Variants in MALRD1 observed in about 807,000 individuals in gnomAD.
The protein encoded by MALRD1 is MAM and LDL receptor class A domain containing 1, also known as MAM and LDL-receptor class A domain-containing protein 1.
In MALRD1, 247 loss-of-function variants were observed where a neutral mutation model predicts 242.1. That is an observed-to-expected ratio of 1.02 (90% confidence interval 0.92 to 1.13). The LOEUF is 1.13. Among genes scored for constraint, MALRD1 ranks in the 50% most tolerant of loss-of-function variants. MALRD1 has a pLI of 0.00. For missense variants in MALRD1, 2,989 were observed against 2,533.1 expected, an observed-to-expected ratio of 1.18 and a Z score of -3.86; for synonymous variants, 995 against 866.6, an observed-to-expected ratio of 1.15 and a Z score of -2.60.
At chr10:19,133,168 A>G (rs1302527127) in intron 8 of MALRD1, among the ~76,000 whole-genome samples, 1 of 152,154 alleles carries the variant, frequency 6.6e-6, no homozygotes. Context: ...CTTACATTCA[A>G]TACATGTTTT....
intron 36 of MALRD1, among the ~76,000 whole-genome samples, chr10:19,649,808 TGTC>T (rs1840791060): frequency 6.6e-6 from 1 of 152,190 alleles, no homozygotes; most frequent in Non-Finnish European, 1.5e-5. Context: ...CCCATTCCTA[TGTC>T]CAGGATGGTA....
At chr10:19,288,908 A>G (rs1240009526) in intron 21 of MALRD1, among the ~76,000 whole-genome samples, 1 of 152,100 alleles carries the variant, frequency 6.6e-6, no homozygotes, top group Non-Finnish European at 1.5e-5. Context: ...GCCTTATACT[A>G]AAGAGATTCA....
At chr10:19,680,434 G>GTT (rs1481886768) in intron 36 of MALRD1, among the ~76,000 whole-genome samples, 1 of 152,090 alleles carries the variant, frequency 6.6e-6, no homozygotes, top group African/African-American at 2.4e-5. Flanking sequence ...TTTAAAGTGT[G>GTT]TTTTGCCAGA....
chr10:19,720,743 A>C (rs1373908477), intron 38 of MALRD1, among the ~76,000 whole-genome samples: 1 of 152,218 alleles, frequency 6.6e-6, no homozygotes, highest in Non-Finnish European at 1.5e-5. Flanking sequence ...TCTTTATTAC[A>C]AAAAGGACAA....
intron 11 of MALRD1, among the ~76,000 whole-genome samples, chr10:19,153,586 G>A (rs1834020094): frequency 6.6e-6 from 1 of 151,938 alleles, no homozygotes; most frequent in African/African-American, 2.4e-5. Context: ...CCCAGTGGGA[G>A]GCTGAAGTTG....
At chr10:19,385,198 T>C (rs1846024920) in intron 26 of MALRD1, among the ~76,000 whole-genome samples, 2 of 152,204 alleles carry the variant, frequency 1.3e-5, no homozygotes, top group South Asian at 4.1e-4. Flanking sequence ...TCCATATTTA[T>C]TAGGGATATT....
intron 27 of MALRD1, chr10:19,389,237 C>T: frequency 1.5e-6 from 1 of 661,886 alleles, no homozygotes; most frequent in Non-Finnish European, 2.8e-6. Flanking sequence ...AATCTGCATA[C>T]TGTGAAGCAC....
rs532338267 is a variant in MALRD1, at chr10:19,209,292, A to G, written c.2603A>G (p.Glu868Gly). The G allele has an allele frequency of 2.6e-6, 4 of 1,542,410 alleles. No individual in the cohort carries two copies. In the Admixed American group the frequency reaches 8.1e-5, roughly 31 times the overall value. The change falls in exon 18 of 40, where the codon GAA becomes GGA. Residue 868 changes from glutamate (E) to glycine (G), a missense_variant. Coordinates refer to ENST00000454679, the MANE Select transcript of MALRD1 (RefSeq NM_001142308.3). ...GCACCTGAGCTGCAGTGTAACTTTG[A>G]AACTGGAATCTGTAACTGGGAACAA... ...NCAPELQCNF[E>G]TGICNWEQDA...
chr10:19,673,386 C>G lies in MALRD1; in HGVS notation c.6138-18896C>G, dbSNP rs138979929. Among the ~76,000 whole-genome samples the G allele has an allele frequency of 2.6e-3, 397 of 152,056 alleles. 7 individuals carry two copies. In the East Asian group the frequency reaches 0.059, roughly 23 times the overall value. On this transcript the variant is annotated intron_variant, in intron 36 of 39. Coordinates refer to ENST00000454679, the MANE Select transcript of MALRD1 (RefSeq NM_001142308.3). The stretch of plus-strand genomic sequence containing the variant: ...TGGGTGACAGAGTGGGACTCCGTCT[C>G]AAAATAAATAAATAAATAAAATTTT...
intron 5 of MALRD1, among the ~76,000 whole-genome samples, chr10:19,107,088 A>C (rs1007353724): frequency 6.6e-6 from 1 of 151,990 alleles, no homozygotes; most frequent in Non-Finnish European, 1.5e-5. Context: ...GCTGATGGGA[A>C]AATGTGTATT....
intron 32 of MALRD1, among the ~76,000 whole-genome samples, chr10:19,534,854 A>G (rs191230400): frequency 1.3e-3 from 187 of 142,062 alleles, no homozygotes; most frequent in African/African-American, 4.6e-3. Flanking sequence ...TATATATGCT[A>G]TTTTATTTAT....
At chr10:19,663,040 A>G (rs2131737723) in intron 36 of MALRD1, among the ~76,000 whole-genome samples, 1 of 152,168 alleles carries the variant, frequency 6.6e-6, no homozygotes, top group East Asian at 1.9e-4. Context: ...TTATTTTTAT[A>G]GATTTAGGGA....
chr10:19,291,698 T>G (rs993297084), intron 21 of MALRD1, among the ~76,000 whole-genome samples: 1 of 151,954 alleles, frequency 6.6e-6, no homozygotes, highest in Non-Finnish European at 1.5e-5. Context: ...CCAATTTTGA[T>G]CAGAGAAGAT....
rs1347683679 is a variant in MALRD1, at chr10:19,324,145, A to G, written c.3576+40A>G. 12 of 1,529,802 alleles carry G rather than the reference A, an allele frequency of 7.8e-6. No individual in the cohort carries two copies. In the East Asian group the frequency reaches 9.8e-5, roughly 13 times the overall value. The allele number at this position is 1,529,802 out of a possible 1,614,324, so 94.8% of individuals were successfully genotyped here. On this transcript the variant is annotated intron_variant, in intron 22 of 39. Coordinates refer to ENST00000454679, the MANE Select transcript of MALRD1 (RefSeq NM_001142308.3). Reference sequence around the variant, plus strand: ...ATCACATTTTCTGAATTTTCTCTCTAAAAGTTCACAGTGCATAATTTGGTA... The same window carrying G: ...ATCACATTTTCTGAATTTTCTCTCTGAAAGTTCACAGTGCATAATTTGGTA...
chr10:19,600,872 A>G (rs377169818), intron 34 of MALRD1, among the ~76,000 whole-genome samples: 1 of 152,142 alleles, frequency 6.6e-6, no homozygotes. Flanking sequence ...AGATGAAATA[A>G]CTATTTTTGT....
intron 30 of MALRD1, among the ~76,000 whole-genome samples, chr10:19,497,917 A>C (rs906115616): frequency 2.6e-5 from 4 of 152,210 alleles, no homozygotes; most frequent in African/African-American, 9.6e-5. Context: ...TGAATAATTT[A>C]ATTTTTAATG....
intron 36 of MALRD1, among the ~76,000 whole-genome samples, chr10:19,636,861 T>G (rs1840153519): frequency 6.8e-6 from 1 of 147,784 alleles, no homozygotes; most frequent in Admixed American, 6.7e-5. Context: ...ACTGTGCCAT[T>G]GCACTCCAGC....
chr10:19,355,134 G>A (rs1464952954), intron 26 of MALRD1, among the ~76,000 whole-genome samples: 1 of 152,100 alleles, frequency 6.6e-6, no homozygotes, highest in African/African-American at 2.4e-5. Flanking sequence ...TGAGAGTGCT[G>A]TAGGCAGGCT....
At chr10:19,720,032 ACT>A (rs1834670193) in intron 38 of MALRD1, among the ~76,000 whole-genome samples, 1 of 152,102 alleles carries the variant, frequency 6.6e-6, no homozygotes, top group African/African-American at 2.4e-5. Context: ...TTACCTTATG[ACT>A]CTGTGCAATT....
Sources: allele counts gnomAD v4.1 joint callset (sites outside exome capture counted in the v4.1 genomes callset), GRCh38; gene constraint gnomAD v4.1.1; transcripts MANE v1.5; gene names NCBI Gene and HGNC (gene_info 2026-07-23, HGNC 2026-07-21).